Variants in CANX observed in about 807,000 individuals in gnomAD.
CANX encodes epididymis secretory sperm binding protein.
In CANX, 14 loss-of-function variants were observed where a neutral mutation model predicts 75.7. The observed-to-expected ratio is 0.19, with a 90% CI of 0.12 to 0.29. The LOEUF (loss-of-function observed/expected upper bound fraction) is 0.29. CANX is among the 10% of genes least tolerant of loss of function. CANX has a pLI of 1.00. For missense variants in CANX, 567 were observed against 713.2 expected, an observed-to-expected ratio of 0.79 and a Z score of 2.34; for synonymous variants, 227 against 236.9, an observed-to-expected ratio of 0.96 and a Z score of 0.38.
intron 13 of CANX, 121 bp downstream of exon 13, chr5:179,724,904 C>A: frequency 7.4e-7 from 1 of 1,358,274 alleles, no homozygotes; most frequent in Non-Finnish European, 9.8e-7. Context: ...GTAATCCTAG[C>A]ACTTTGGGAG....
chr5:179,699,848 AGTG>A (rs1776614991), intron 1 of CANX: 1 of 152,248 alleles, frequency 6.6e-6, no homozygotes, highest in African/African-American at 2.4e-5. Flanking sequence ...TAGACCGTGC[AGTG>A]GTTAACGCTA....
At chr5:179,681,542 C>T (rs747794423) in intron 1 of CANX, among the ~76,000 whole-genome samples, 2 of 152,232 alleles carry the variant, frequency 1.3e-5, no homozygotes, top group Middle Eastern at 6.8e-3. Flanking sequence ...GAACTCTGAG[C>T]ACAAATGGCA....
intron 1 of CANX, among the ~76,000 whole-genome samples, chr5:179,688,788 C>T (rs1776241345): frequency 6.6e-6 from 1 of 151,760 alleles, no homozygotes; most frequent in African/African-American, 2.4e-5. Flanking sequence ...CGAAACTAGG[C>T]TGGCCAACAT....
At chr5:179,695,681 C>T (rs1776385457), upstream of CANX, among the ~76,000 whole-genome samples, 2 of 144,810 alleles carry the variant, frequency 1.4e-5, no homozygotes, top group Admixed American at 7.1e-5. Context: ...GACGGAGTCT[C>T]GTTTTGTCGC....
In CANX at chr5:179,728,762, C is replaced by T. The variant is rs1778828185; in HGVS notation, c.*118C>T. The stretch of plus-strand genomic sequence containing the variant: ...TCAGAAAACTTCAAGACATCACCAT[C>T]AGCAGGCTCCAGTTGAACACTAGTC... On this transcript the variant is annotated 3_prime_UTR_variant, in exon 15 of 15. Coordinates refer to ENST00000247461, the MANE Select transcript of CANX (RefSeq NM_001746.4). 1 of 731,342 alleles carries T rather than the reference C, an allele frequency of 1.4e-6. No homozygotes were observed. Among genetic ancestry groups the T allele is most frequent in the East Asian group, 2.7e-5 (1 of 37,286 alleles). The allele number at this position is 731,342 out of a possible 1,614,324, so 45.3% of individuals were successfully genotyped here. A position where few individuals can be genotyped will look rare whatever the true frequency, so the allele number is the denominator to read the frequency against.
At chr5:179,702,386 C>G (rs190646005) in intron 1 of CANX, among the ~76,000 whole-genome samples, 1 of 151,890 alleles carries the variant, frequency 6.6e-6, no homozygotes, top group Non-Finnish European at 1.5e-5. Flanking sequence ...TTCTTTCTCT[C>G]CCTTCTTCCC....
chr5:179,696,275 T>TG (rs1776402425), upstream of CANX, among the ~76,000 whole-genome samples: 1 of 123,352 alleles, frequency 8.1e-6, no homozygotes, highest in African/African-American at 3.3e-5. Flanking sequence ...TTCTTTTTTT[T>TG]TTTTTTTTTT....
rs1243162385 is a variant in CANX at position 179,699,256 on chromosome 5, G to T, written c.-4+154G>T. 2.0e-5 allele frequency among the ~76,000 whole-genome samples: 3 copies of T among 152,152 alleles called. No individual in the cohort carries two copies. In the East Asian group the frequency reaches 5.8e-4, roughly 29 times the overall value. On this transcript the variant is annotated intron_variant, in intron 1 of 14. Coordinates refer to ENST00000247461, the MANE Select transcript of CANX (RefSeq NM_001746.4). ...CCTGGCCGACGCGCCCGCCGTGAGC[G>T]AGGAGGCCCGAATCCGGGCGTCTTT...
chr5:179,709,957 C>T lies in CANX; in HGVS notation c.613C>T (p.Arg205Ter), dbSNP rs752230231. ...GGACTATAAACTGCACTTCATCTTC[C>T]GACACAAAAACCCCAAAACGGGTAT... ...GEDYKLHFIF[R>*]HKNPKTGIYE... Residue 205 changes from arginine to a stop codon, truncating the protein, a stop_gained, in exon 7 of 15, where the codon CGA (arginine) becomes TGA (stop). Transcript: ENST00000247461. LOFTEE classifies it high-confidence loss of function. 5 of 1,612,618 alleles carry T rather than the reference C, an allele frequency of 3.1e-6. No homozygotes were observed. Among genetic ancestry groups the T allele is most frequent in the African/African-American group, 1.3e-5 (1 of 74,834 alleles).
chr5:179,708,454 T>A (rs1254327163), intron 5 of CANX, 74 bp downstream of exon 5: 7 of 1,372,114 alleles, frequency 5.1e-6, no homozygotes, highest in Non-Finnish European at 7.0e-6. Flanking sequence ...ACTTTTACTC[T>A]ATGTTAAAAA....
chr5:179,703,661 A>G (rs1240131977), intron 1 of CANX, among the ~76,000 whole-genome samples: 1 of 141,856 alleles, frequency 7.0e-6, no homozygotes, highest in Non-Finnish European at 1.5e-5. Context: ...TTTTTTGTAT[A>G]GACAGGGTCA....
chr5:179,686,735 G>A (rs1776197266), intron 1 of CANX, among the ~76,000 whole-genome samples: 1 of 152,146 alleles, frequency 6.6e-6, no homozygotes, highest in Non-Finnish European at 1.5e-5. Context: ...CAAAGTACTG[G>A]GATTACAGGC....
chr5:179,714,584 C>T (rs1168790876), intron 7 of CANX, among the ~76,000 whole-genome samples: 1 of 151,354 alleles, frequency 6.6e-6, no homozygotes, highest in Non-Finnish European at 1.5e-5. Context: ...GTGGTGCGAT[C>T]TCCGCTCAGT....
chr5:179,692,404 C>A (rs1776313978), intron 1 of CANX, among the ~76,000 whole-genome samples: 1 of 151,912 alleles, frequency 6.6e-6, no homozygotes, highest in Admixed American at 6.6e-5. Flanking sequence ...AAAAAGAGCC[C>A]CCGGTTTAAA....
Position 179,709,049 on chromosome 5 carries a change from A to T in CANX, c.518A>T (p.Glu173Val), listed in dbSNP as rs775569975. 2 of 1,580,726 alleles carry T rather than the reference A, an allele frequency of 1.3e-6. No individual in the cohort carries two copies. The highest frequency in any genetic ancestry group is 1.7e-6 in the Non-Finnish European group (2 of 1,149,452). The change falls in exon 6 of 15, where the codon GAA (glutamate) becomes GTA (valine). Residue 173 changes from glutamate (E) to valine (V), a missense_variant. Coordinates refer to ENST00000247461, the MANE Select transcript of CANX (RefSeq NM_001746.4). Reference sequence around the variant, plus strand: ...GTGAAACTGCTTTCTAAAACACCAGAACTCAACCTGGTATGTAATTCCCAT... The same window carrying T: ...GTGAAACTGCTTTCTAAAACACCAGTACTCAACCTGGTATGTAATTCCCAT... ...AYVKLLSKTP[E>V]LNLDQFHDKT...
chr5:179,725,212 T>C (rs1674177369), intron 13 of CANX, among the ~76,000 whole-genome samples: 1 of 152,166 alleles, frequency 6.6e-6, no homozygotes, highest in Non-Finnish European at 1.5e-5. Flanking sequence ...TGTTTGTTTA[T>C]TGATTTATTT....
rs774489318 is a variant in CANX, at chr5:179,722,948, G to A, written c.1327G>A (p.Asp443Asn). 1.2e-6 allele frequency: 2 copies of A among 1,614,110 alleles called. No individual in the cohort carries two copies. The highest frequency in any genetic ancestry group is 1.7e-6 in the Non-Finnish European group (2 of 1,180,016). The change falls in exon 11 of 15, where the codon GAT (aspartate) becomes AAT (asparagine). Residue 443 changes from aspartate (D) to asparagine (N), a missense_variant. Coordinates refer to ENST00000247461, the MANE Select transcript of CANX (RefSeq NM_001746.4). ...TTTTGACAACTTTATCATTTGTGCT[G>A]ATCGAAGAATAGTTGATGATTGGGC... is the stretch of plus-strand genomic sequence containing the variant. ...IFFDNFIICA[D>N]RRIVDDWAND...
At chr5:179,681,588 C>G (rs1776065882) in intron 1 of CANX, among the ~76,000 whole-genome samples, 1 of 152,142 alleles carries the variant, frequency 6.6e-6, no homozygotes, top group Non-Finnish European at 1.5e-5. Context: ...GGGAGCCCGT[C>G]TTTTGTACCC....
chr5:179,720,757 ACTTT>A (rs965057251), intron 10 of CANX, among the ~76,000 whole-genome samples, 197 bp downstream of exon 10: 2 of 151,954 alleles, frequency 1.3e-5, no homozygotes, highest in Non-Finnish European at 2.9e-5. Context: ...GGAGTGAATA[ACTTT>A]CTTTAACTTT....
Sources: gnomAD v4.1 joint callset for allele counts (sites outside exome capture counted in the v4.1 genomes callset) on GRCh38, gnomAD v4.1.1 for gene constraint, MANE v1.5 for transcripts, NCBI Gene and HGNC (gene_info 2026-07-23, HGNC 2026-07-21) for gene names.